The following KATNIP variants were observed in gnomAD, a reference collection of about 807,000 sequenced individuals.
KATNIP encodes the protein katanin interacting protein.
A neutral mutation model predicts 174.0 loss-of-function variants in KATNIP; 126 were observed. The observed-to-expected ratio is 0.72, with a 90% CI of 0.63 to 0.84. The LOEUF (loss-of-function observed/expected upper bound fraction) is 0.84. KATNIP is among the 40% of genes least tolerant of loss of function. KATNIP has a pLI of 0.00. For synonymous variants in KATNIP, 810 were observed against 835.7 expected, an observed-to-expected ratio of 0.97 and a Z score of 0.53; for missense variants, 1,958 against 2,109.7, an observed-to-expected ratio of 0.93 and a Z score of 1.41.
intron 2 of KATNIP, among the ~76,000 whole-genome samples, chr16:27,603,385 G>A (rs980483528): frequency 6.6e-6 from 1 of 152,182 alleles, no homozygotes; most frequent in Admixed American, 6.5e-5. Flanking sequence ...AGTTAGCTTG[G>A]CACACGCCCA....
At chr16:27,716,847 T>C (rs1481084236) in intron 13 of KATNIP, among the ~76,000 whole-genome samples, 1 of 145,938 alleles carries the variant, frequency 6.9e-6, no homozygotes, top group Non-Finnish European at 1.5e-5. Flanking sequence ...ACCATTTACG[T>C]AGCATTTTTT....
chr16:27,659,558 G>C (rs370783134), intron 6 of KATNIP, among the ~76,000 whole-genome samples: 14 of 151,390 alleles, frequency 9.2e-5, no homozygotes, highest in African/African-American at 3.4e-4. Flanking sequence ...AATTAATTTT[G>C]CATTGTTATT....
In KATNIP at chr16:27,776,876, A is replaced by G. The variant is rs761683176; in HGVS notation, c.4450-52A>G. The G allele has an allele frequency of 2.1e-5, 29 of 1,352,780 alleles. No individual in the cohort carries two copies. The highest frequency in any genetic ancestry group is 3.0e-5 in the Non-Finnish European group (28 of 944,212). 83.8% of individuals were successfully genotyped at this position (1,352,780 alleles called of 1,614,324 possible). ...ACGCCTGGCACCCCCAGCCCAGCCA[A>G]GCGCCTCTGTTTCCAAACATGCCTG... On this transcript the variant is annotated intron_variant, in intron 24 of 27. Coordinates refer to ENST00000261588, the MANE Select transcript of KATNIP (RefSeq NM_015202.5). This position sits in a 1 kb window ranked among gnomAD's most constrained non-coding sequence, Gnocchi z 4.7.
intron 2 of KATNIP, among the ~76,000 whole-genome samples, chr16:27,608,054 C>T (rs889914640): frequency 2.6e-5 from 4 of 152,176 alleles, no homozygotes; most frequent in African/African-American, 7.2e-5. Flanking sequence ...CAGGCTTCTG[C>T]ATTCACTCAT....
At chr16:27,632,580 T>C (rs938777508) in intron 5 of KATNIP, 1 of 456,316 alleles carries the variant, frequency 2.2e-6, no homozygotes. Flanking sequence ...GCATCCTCTA[T>C]AGAGGGGTCA....
intron 17 of KATNIP, among the ~76,000 whole-genome samples, chr16:27,753,317 G>A (rs1044670886): frequency 1.2e-4 from 18 of 152,202 alleles, no homozygotes; most frequent in African/African-American, 4.3e-4. Context: ...AGCCGTGCCT[G>A]TGCTCCTGAT....
At chr16:27,756,906 C>T (rs2081753612) in intron 18 of KATNIP, among the ~76,000 whole-genome samples, 1 of 152,160 alleles carries the variant, frequency 6.6e-6, no homozygotes, top group Admixed American at 6.5e-5. Context: ...CCATTCAACA[C>T]CATCCATGTG....
chr16:27,773,292 G>A, intron 23 of KATNIP, 83 bp downstream of exon 23: 1 of 942,708 alleles, frequency 1.1e-6, no homozygotes, highest in Non-Finnish European at 1.6e-6. Flanking sequence ...AGCCTTGTGT[G>A]CAGAGGGAAA....
At chr16:27,575,947 C>T (rs1237912398) in intron 2 of KATNIP, among the ~76,000 whole-genome samples, 1 of 152,128 alleles carries the variant, frequency 6.6e-6, no homozygotes, top group Non-Finnish European at 1.5e-5. Context: ...TGTCTTCCCA[C>T]AGCATCCTTC....
intron 6 of KATNIP, among the ~76,000 whole-genome samples, chr16:27,662,069 T>TATATAC (rs1555467521): frequency 1.1e-5 from 1 of 87,640 alleles, no homozygotes; most frequent in Non-Finnish European, 2.2e-5. Context: ...TATATATATA[T>TATATAC]ATACACACAT....
intron 17 of KATNIP, among the ~76,000 whole-genome samples, chr16:27,753,346 G>C (rs559059537): frequency 6.6e-6 from 1 of 152,292 alleles, no homozygotes; most frequent in Admixed American, 6.5e-5. Context: ...GGGGTCTCCA[G>C]GTGGGAGTCT....
At chr16:27,671,322 T>C (rs2077894374) in intron 6 of KATNIP, among the ~76,000 whole-genome samples, 1 of 152,236 alleles carries the variant, frequency 6.6e-6, no homozygotes, top group Non-Finnish European at 1.5e-5. Flanking sequence ...TGTACATTTT[T>C]CAACACGCTT....
At chr16:27,629,947 A>G (rs1254337422) in intron 4 of KATNIP, among the ~76,000 whole-genome samples, 1 of 152,248 alleles carries the variant, frequency 6.6e-6, no homozygotes, top group African/African-American at 2.4e-5. Flanking sequence ...CGGGAAGTCA[A>G]GGTTGCAATG....
Position 27,727,180 on chromosome 16 carries a change from ATGTTTGTT to A in KATNIP, c.1743+5503_1743+5510del, listed in dbSNP as rs537764418. On this transcript the variant is annotated intron_variant, in intron 14 of 27. Transcript: ENST00000261588. The stretch of plus-strand genomic sequence containing the variant: ...GCAGGGTGATGTGATCTGATGGAGG[ATGTTTGTT>A]TGTTTGTTTGTTTGTTTTTCTAGAC... 355 of 191,960 alleles carry A rather than the reference ATGTTTGTT, an allele frequency of 1.8e-3. 3 individuals carry two copies. The highest frequency in any genetic ancestry group is 6.9e-3 in the African/African-American group (294 of 42,600). 11.9% of individuals were successfully genotyped at this position (191,960 alleles called of 1,614,324 possible). A position where few individuals can be genotyped will look rare whatever the true frequency, so the allele number is the denominator to read the frequency against.
At position 27,749,923 on chromosome 16, in the gene KATNIP, G is replaced by C. The variant is rs2081434935; in HGVS notation, c.2963G>C (p.Arg988Thr). The C allele has an allele frequency of 6.2e-7, 1 of 1,614,094 alleles. No individual in the cohort carries two copies. The highest frequency in any genetic ancestry group is 1.3e-5 in the African/African-American group (1 of 74,934). ...VIDIKSTWGD[R>T]HYVGLNGIEI... is the part of the protein sequence containing the mutation. ...GACATCAAGTCTACCTGGGGGGACA[G>C]ACACTATGTCGGCCTCAACGGAATA... Residue 988 changes from arginine to threonine, a missense_variant, in exon 16 of 28, where the codon AGA becomes ACA. Arg to Thr is a moderately conservative substitution (Grantham distance 71, BLOSUM62 -1). Around this residue, in one of 3 missense-constraint regions of KATNIP, gnomAD observed 1,557 missense variants for 1,617.8 expected, o/e 0.96. Coordinates refer to ENST00000261588, the MANE Select transcript of KATNIP (RefSeq NM_015202.5).
intron 3 of KATNIP, among the ~76,000 whole-genome samples, chr16:27,622,163 G>A (rs942438534): frequency 6.6e-6 from 1 of 152,094 alleles, no homozygotes; most frequent in Non-Finnish European, 1.5e-5. Flanking sequence ...GAAGATGGGG[G>A]AGATTCCTGG....
intron 2 of KATNIP, among the ~76,000 whole-genome samples, chr16:27,582,043 C>T (rs1189346999): frequency 3.3e-5 from 5 of 152,108 alleles, no homozygotes; most frequent in Admixed American, 1.3e-4. Context: ...TGCAGCACCT[C>T]GATTTCTGCA....
intron 20 of KATNIP, 110 bp downstream of exon 20, chr16:27,766,584 A>T (rs2082133483): frequency 8.6e-7 from 1 of 1,166,936 alleles, no homozygotes; most frequent in South Asian, 1.5e-5. Context: ...GAATTTTCCA[A>T]ACGGAGCTGG....
chr16:27,598,888 A>T (rs1159340501), intron 2 of KATNIP, among the ~76,000 whole-genome samples: 1 of 152,204 alleles, frequency 6.6e-6, no homozygotes, highest in Non-Finnish European at 1.5e-5. Flanking sequence ...GATCCTGGGT[A>T]GAAACAGGTG....
Sources: gnomAD v4.1 joint callset for allele counts (sites outside exome capture counted in the v4.1 genomes callset) on GRCh38, gnomAD v4.1.1 for gene constraint, gnomAD v4.1.1 regional missense constraint, Gnocchi (gnomAD v3.1) non-coding constraint, MANE v1.5 for transcripts, NCBI Gene and HGNC (gene_info 2026-07-23, HGNC 2026-07-21) for gene names.